DYRK1A: variants seen among roughly 807,000 people sequenced by gnomAD.
The protein encoded by DYRK1A is dual specificity tyrosine phosphorylation regulated kinase 1A, also known as dual specificity tyrosine-phosphorylation-regulated kinase 1A.
A neutral mutation model predicts 79.7 loss-of-function variants in DYRK1A; 9 were observed. The ratio of observed to expected loss-of-function variants is 0.11; its 90% CI spans 0.07 to 0.20. The LOEUF is 0.20. Ranked by LOEUF, DYRK1A falls within the 10% of genes least tolerant of loss-of-function variation. The probability of loss-of-function intolerance (pLI) is 1.00; values close to 1 mark genes in which losing one functional copy is unlikely to be tolerated. For missense variants in DYRK1A, 622 were observed against 956.0 expected (o/e 0.65, Z 4.61); for synonymous variants, 349 against 329.7 (o/e 1.06, Z -0.63).
intron 2 of DYRK1A, among the ~76,000 whole-genome samples, chr21:37,471,587 A>G (rs568192429): frequency 2.6e-5 from 4 of 152,138 alleles, no homozygotes; most frequent in South Asian, 4.1e-4. Flanking sequence ...CTTCATAACA[A>G]CCTTTTCAGG....
At position 37,512,240 on chromosome 21, in the gene DYRK1A, A is replaced by G. The variant is rs1399244227; in HGVS notation, c.1974A>G (p.Thr658=). The G allele has an allele frequency of 1.9e-6, 3 of 1,614,030 alleles. No homozygotes were observed. Among genetic ancestry groups the G allele is most frequent in the Non-Finnish European group, 2.5e-6 (3 of 1,180,034 alleles). The change falls in exon 12 of 12, where the codon ACA becomes ACG. Residue 658 remains threonine, a synonymous_variant. Transcript: ENST00000647188. ...CTTCCTCAACGACTTCTTCCTCGAC[A>G]TCTTCCTCCTCTACTGGTAACCAAG... ...SLSSSTTSSS[T]SSSSTGNQGN... is the part of the protein sequence containing the mutation.
At chr21:37,479,583 G>T (rs2052527400) in intron 4 of DYRK1A, among the ~76,000 whole-genome samples, 2 of 74,550 alleles carry the variant, frequency 2.7e-5, no homozygotes, top group Non-Finnish European at 2.9e-5. Flanking sequence ...TAGAAACAGT[G>T]TTGGTGTTTT....
At chr21:37,387,759 T>C (rs138639971) in intron 1 of DYRK1A, among the ~76,000 whole-genome samples, 8 of 152,352 alleles carry the variant, frequency 5.3e-5, no homozygotes, top group East Asian at 3.9e-4. Flanking sequence ...TTTTTTGAGA[T>C]ACGGTCAGAA....
At chr21:37,502,659 G>A (rs765988125) in intron 9 of DYRK1A, 16 of 152,026 alleles carry the variant, frequency 1.1e-4, no homozygotes, top group Non-Finnish European at 2.2e-4. Context: ...AAGGATAATA[G>A]ATCTTTTATA....
At chr21:37,409,343 T>G (rs965799249) in intron 1 of DYRK1A, among the ~76,000 whole-genome samples, 5 of 152,190 alleles carry the variant, frequency 3.3e-5, no homozygotes, top group African/African-American at 1.2e-4. Context: ...GGAGTTCACC[T>G]GGGGCAGGCT....
At chr21:37,455,019 CTTT>C (rs72223324) in intron 2 of DYRK1A, among the ~76,000 whole-genome samples, 3 of 116,800 alleles carry the variant, frequency 2.6e-5, no homozygotes, top group Non-Finnish European at 3.5e-5. Context: ...GGGTGGTCAC[CTTT>C]TTTTTTTTTT....
chr21:37,388,100 A>ATTTTTTT (rs34571307), intron 1 of DYRK1A, among the ~76,000 whole-genome samples: 4 of 116,606 alleles, frequency 3.4e-5, no homozygotes, highest in African/African-American at 6.8e-5. Context: ...CTTCCCTTTG[A>ATTTTTTT]TTTTTTTTTT....
chr21:37,489,300 TAA>T (rs904007619), intron 6 of DYRK1A, among the ~76,000 whole-genome samples: 16 of 152,162 alleles, frequency 1.1e-4, no homozygotes, highest in African/African-American at 2.2e-4. Flanking sequence ...TTGGTATATA[TAA>T]GACTTAACAG....
intron 1 of DYRK1A, among the ~76,000 whole-genome samples, chr21:37,369,088 T>C (rs2049378091): frequency 2.0e-5 from 3 of 152,234 alleles, no homozygotes; most frequent in African/African-American, 7.2e-5. Flanking sequence ...TGATGAGTCA[T>C]AAGAAAGTTT....
rs560089002 is a variant in DYRK1A, at chr21:37,521,356, T to C, written c.*8825T>C. 1.3e-5 allele frequency: 2 copies of C among 152,342 alleles called. No homozygotes were observed. The highest frequency in any genetic ancestry group is 1.3e-4 in the Admixed American group (2 of 15,304). The allele number at this position is 152,342 out of a possible 1,614,324, so 9.4% of individuals were successfully genotyped here. A position where few individuals can be genotyped will look rare whatever the true frequency, so the allele number is the denominator to read the frequency against. On this transcript the variant is annotated 3_prime_UTR_variant, in exon 12 of 12. Transcript: ENST00000647188. ...AATCAGTACTAACCCTGGAAACAATTTAAAAATGAACAAAAAGTCCTACCC... is the reference window on the plus strand; with the variant it reads ...AATCAGTACTAACCCTGGAAACAATCTAAAAATGAACAAAAAGTCCTACCC...
At chr21:37,475,497 A>G (rs532110539) in intron 3 of DYRK1A, among the ~76,000 whole-genome samples, 3 of 152,368 alleles carry the variant, frequency 2.0e-5, no homozygotes, top group Non-Finnish European at 4.4e-5. Context: ...ATGGCATCAC[A>G]ATGTTCCAAA....
intron 1 of DYRK1A, among the ~76,000 whole-genome samples, chr21:37,388,254 T>C (rs2148381860): frequency 6.6e-6 from 1 of 152,088 alleles, no homozygotes. Context: ...GACTAATTTT[T>C]CTGTATTTTG....
At chr21:37,435,986 C>T (rs1166067031) in intron 2 of DYRK1A, among the ~76,000 whole-genome samples, 1 of 144,050 alleles carries the variant, frequency 6.9e-6, no homozygotes, top group Non-Finnish European at 1.5e-5. Context: ...ATGGTAGGTT[C>T]TGCAGAAAAA....
intron 2 of DYRK1A, among the ~76,000 whole-genome samples, chr21:37,442,177 C>G (rs67615982): frequency 6.6e-6 from 1 of 151,546 alleles, no homozygotes; most frequent in African/African-American, 2.4e-5. Context: ...TTGATAATTA[C>G]GTACCTTAGT....
upstream of DYRK1A, chr21:37,366,253 C>CCCT (rs1367895803): frequency 6.7e-6 from 1 of 148,988 alleles, no homozygotes. Context: ...GCCGCGGCGC[C>CCCT]CCTCCTCCTC....
At chr21:37,395,304 G>T (rs1043330135) in intron 1 of DYRK1A, among the ~76,000 whole-genome samples, 5 of 152,164 alleles carry the variant, frequency 3.3e-5, no homozygotes, top group Non-Finnish European at 7.4e-5. Context: ...TTTGAAGATC[G>T]CATTTTTAGG....
chr21:37,402,517 G>A (rs2050071998), intron 1 of DYRK1A, among the ~76,000 whole-genome samples: 1 of 152,090 alleles, frequency 6.6e-6, no homozygotes, highest in Non-Finnish European at 1.5e-5. Context: ...TTTTCTTCTG[G>A]CTGCTTTCAA....
At chr21:37,424,256 C>T (rs901737373) in intron 2 of DYRK1A, among the ~76,000 whole-genome samples, 3 of 152,044 alleles carry the variant, frequency 2.0e-5, no homozygotes, top group African/African-American at 7.2e-5. Context: ...TTTTTTCTTA[C>T]TGATTCAATA....
At chr21:37,449,958 A>G (rs1478748267) in intron 2 of DYRK1A, among the ~76,000 whole-genome samples, 1 of 152,348 alleles carries the variant, frequency 6.6e-6, no homozygotes, top group East Asian at 1.9e-4. Flanking sequence ...TGCTGGAAAA[A>G]TAAGTAGGGG....
Sources: gnomAD v4.1 joint callset for allele counts (sites outside exome capture counted in the v4.1 genomes callset) on GRCh38, gnomAD v4.1.1 for gene constraint, MANE v1.5 for transcripts, NCBI Gene and HGNC (gene_info 2026-07-23, HGNC 2026-07-21) for gene names.